Variants in LHPP observed in about 807,000 individuals in gnomAD.
The protein encoded by LHPP is phospholysine phosphohistidine inorganic pyrophosphate phosphatase.
In LHPP, 24 loss-of-function variants were observed where a neutral mutation model predicts 30.3. The ratio of observed to expected loss-of-function variants is 0.79; its 90% CI spans 0.57 to 1.11. The LOEUF is 1.11. Among genes scored for constraint, LHPP ranks in the 50% most tolerant of loss-of-function variants. The pLI, the probability that LHPP is intolerant of heterozygous loss-of-function variation, is 0.00. For synonymous variants in LHPP, 150 were observed against 157.1 expected (o/e 0.95, Z 0.34); for missense variants, 356 against 367.2 (o/e 0.97, Z 0.25).
rs999280120 is a variant in LHPP, at chr10:124,541,191, A to C, written c.716+23920A>C. Among the ~76,000 whole-genome samples the C allele has an allele frequency of 1.3e-5, 2 of 152,176 alleles. No individual in the cohort carries two copies. The highest frequency in any genetic ancestry group is 6.5e-5 in the Admixed American group (1 of 15,278). ...GAGCCACCCAGAATGGTGAGTCACC[A>C]AGAGGCAGCTTGGAGGTGGGCCGCT... On this transcript the variant is annotated intron_variant, in intron 6 of 6. Transcript: ENST00000368842. The surrounding 1 kb of genome is among the most constrained non-coding windows in gnomAD (Gnocchi z 4.2).
At chr10:124,539,714 C>T (rs1473712423) in intron 6 of LHPP, among the ~76,000 whole-genome samples, 2 of 137,762 alleles carry the variant, frequency 1.5e-5, no homozygotes, top group South Asian at 2.3e-4. Context: ...CTAGCCTGGG[C>T]GACAGAGCAA....
At chr10:124,555,469 A>T (rs1296354788) in intron 6 of LHPP, among the ~76,000 whole-genome samples, 3 of 152,008 alleles carry the variant, frequency 2.0e-5, no homozygotes, top group Non-Finnish European at 4.4e-5. Context: ...AGCGCTTTGC[A>T]GTACACCCTG....
At chr10:124,528,369 T>A (rs116679933) in intron 6 of LHPP, among the ~76,000 whole-genome samples, 1 of 151,718 alleles carries the variant, frequency 6.6e-6, no homozygotes, top group Admixed American at 6.6e-5. Flanking sequence ...ATTATTTTAT[T>A]TTTTTTTGAA....
chr10:124,598,885 G>A (rs1300072435), intron 6 of LHPP, among the ~76,000 whole-genome samples: 13 of 137,956 alleles, frequency 9.4e-5, no homozygotes, highest in Admixed American at 7.3e-4. Flanking sequence ...CTGTCCATTC[G>A]TCCACCCATC....
chr10:124,530,616 C>A (rs1692343979), intron 6 of LHPP, among the ~76,000 whole-genome samples: 2 of 152,164 alleles, frequency 1.3e-5, no homozygotes, highest in South Asian at 4.1e-4. Flanking sequence ...GCTCACACCC[C>A]ACTCATTCCC....
In LHPP at chr10:124,526,837, C is replaced by T. The variant is rs192746892; in HGVS notation, c.716+9566C>T. Among the ~76,000 whole-genome samples the T allele has an allele frequency of 2.1e-3, 319 of 152,314 alleles. 2 individuals are homozygous for T. The highest frequency in any genetic ancestry group is 7.3e-3 in the African/African-American group (302 of 41,574). On this transcript the variant is annotated intron_variant, in intron 6 of 6. Transcript: ENST00000368842. ...TGAACCCAAGCGCTCTCTTCCCCTC[C>T]AGTGTGTGGTGGGGAGGTGGGGAGG... is the stretch of plus-strand genomic sequence containing the variant.
At chr10:124,532,176 T>A (rs375807657) in intron 6 of LHPP, among the ~76,000 whole-genome samples, 71 of 152,296 alleles carry the variant, frequency 4.7e-4, no homozygotes, top group African/African-American at 1.6e-3. Flanking sequence ...AAAAAGATGT[T>A]TCAGGTTCAT....
intron 6 of LHPP, among the ~76,000 whole-genome samples, chr10:124,601,645 A>G (rs1949022986): frequency 2.0e-5 from 3 of 152,236 alleles, no homozygotes; most frequent in African/African-American, 7.2e-5. Flanking sequence ...AGCTGGCGCC[A>G]TGGTGTCGGT....
At chr10:124,562,045 G>A (rs187734487) in intron 6 of LHPP, among the ~76,000 whole-genome samples, 15 of 152,326 alleles carry the variant, frequency 9.8e-5, no homozygotes, top group African/African-American at 3.6e-4. Flanking sequence ...GGTGGCTCAT[G>A]CCTGTGATCC....
At chr10:124,548,329 CTCT>C (rs1411843106) in intron 6 of LHPP, among the ~76,000 whole-genome samples, 1 of 152,190 alleles carries the variant, frequency 6.6e-6, no homozygotes, top group African/African-American at 2.4e-5. Flanking sequence ...GTTAACTCCT[CTCT>C]TCTCTCTTTC....
chr10:124,525,429 G>A (rs1189084561), intron 6 of LHPP, among the ~76,000 whole-genome samples: 2 of 152,318 alleles, frequency 1.3e-5, no homozygotes, highest in African/African-American at 4.8e-5. Flanking sequence ...CACCACGGGG[G>A]GACCCTGTTG....
At chr10:124,462,950 C>T (rs1589744092) in intron 1 of LHPP, among the ~76,000 whole-genome samples, 1 of 152,224 alleles carries the variant, frequency 6.6e-6, no homozygotes, top group African/African-American at 2.4e-5. Flanking sequence ...TGACTGCAAC[C>T]GCCGCCTCCC....
chr10:124,565,720 C>T (rs1162000587), intron 6 of LHPP, among the ~76,000 whole-genome samples: 1 of 152,228 alleles, frequency 6.6e-6, no homozygotes, highest in East Asian at 1.9e-4. Flanking sequence ...GCGGAAGAAG[C>T]CATGTTCCCA....
chr10:124,602,315 G>T (rs1009029353), intron 6 of LHPP, among the ~76,000 whole-genome samples: 2 of 152,260 alleles, frequency 1.3e-5, no homozygotes, highest in Non-Finnish European at 2.9e-5. Flanking sequence ...ATGGCGCGCT[G>T]TGCAGAGCAC....
chr10:124,501,850 C>T lies in LHPP; in HGVS notation c.624+3722C>T, dbSNP rs1031684611. Among the ~76,000 whole-genome samples, 4 of 151,672 alleles carry T rather than the reference C, an allele frequency of 2.6e-5. No individual in the cohort carries two copies. In the East Asian group the frequency reaches 5.8e-4, roughly 22 times the overall value. On this transcript the variant is annotated intron_variant, in intron 5 of 6. Coordinates refer to ENST00000368842, the MANE Select transcript of LHPP (RefSeq NM_022126.4). Reference sequence around the variant, plus strand: ...GACTGTCTCAGAAATGCTCTTTTACCGTTGATCTGTTGGAATCCAATCTGA... The same window carrying T: ...GACTGTCTCAGAAATGCTCTTTTACTGTTGATCTGTTGGAATCCAATCTGA...
Position 124,541,875 on chromosome 10 carries a change from C to A in LHPP, c.716+24604C>A, listed in dbSNP as rs979571875. Among the ~76,000 whole-genome samples, 4 of 152,108 alleles carry A rather than the reference C, an allele frequency of 2.6e-5. No homozygotes were observed. The highest frequency in any genetic ancestry group is 9.7e-5 in the African/African-American group (4 of 41,418). On this transcript the variant is annotated intron_variant, in intron 6 of 6. Coordinates refer to ENST00000368842, the MANE Select transcript of LHPP (RefSeq NM_022126.4). The surrounding 1 kb of genome is among the most constrained non-coding windows in gnomAD (Gnocchi z 4.2). Reference sequence around the variant, plus strand: ...TTCCTTCACCCCTACTTCCCCACTGCAAGGGTGCTGCCTCCCCAGCTCCTA... The same window carrying A: ...TTCCTTCACCCCTACTTCCCCACTGAAAGGGTGCTGCCTCCCCAGCTCCTA...
intron 6 of LHPP, among the ~76,000 whole-genome samples, chr10:124,609,709 G>C (rs562785333): frequency 3.8e-4 from 58 of 152,302 alleles, no homozygotes; most frequent in African/African-American, 1.3e-3. Context: ...TCACTAGTCT[G>C]CCTTTGCCAG....
intron 6 of LHPP, among the ~76,000 whole-genome samples, chr10:124,598,962 C>G (rs750145389): frequency 6.6e-6 from 1 of 150,618 alleles, no homozygotes; most frequent in Non-Finnish European, 1.5e-5. Flanking sequence ...TCCATCTATC[C>G]ATCTCTGTCC....
At position 124,535,573 on chromosome 10, in the gene LHPP, A is replaced by ATT. The variant is rs34086090; in HGVS notation, c.716+18315_716+18316dup. On this transcript the variant is annotated intron_variant, in intron 6 of 6. Transcript: ENST00000368842. ...ACAATGCCTGGCTAATTAAAAAAAC[A>ATT]TTTTTTTTTTTTTTGTAGAGACAAA... Among the ~76,000 whole-genome samples, 397 of 146,736 alleles carry ATT rather than the reference A, an allele frequency of 2.7e-3. 2 individuals carry two copies. The highest frequency in any genetic ancestry group is 4.1e-3 in the South Asian group (19 of 4,636).
Sources: gnomAD v4.1 joint callset for allele counts (sites outside exome capture counted in the v4.1 genomes callset) on GRCh38, gnomAD v4.1.1 for gene constraint, Gnocchi (gnomAD v3.1) non-coding constraint, MANE v1.5 for transcripts, NCBI Gene and HGNC (gene_info 2026-07-23, HGNC 2026-07-21) for gene names.